Variants in NDUFB10 observed in about 807,000 individuals in gnomAD.
NDUFB10 encodes NADH:ubiquinone oxidoreductase subunit B10.
In NDUFB10, 23 loss-of-function variants were observed where a neutral mutation model predicts 19.0. That is an observed-to-expected ratio of 1.21 (90% confidence interval 0.87 to 1.71). NDUFB10 has a LOEUF of 1.71. NDUFB10 is among the 40% of genes most tolerant of loss of function. NDUFB10 has a pLI of 0.00. For synonymous variants in NDUFB10, 104 were observed against 81.8 expected (o/e 1.27, Z -1.46); for missense variants, 312 against 230.6 (o/e 1.35, Z -2.29).
At chr16:1,961,681 C>T in intron 3 of NDUFB10, 45 bp downstream of exon 3, 1 of 1,068,136 alleles carries the variant, frequency 9.4e-7, no homozygotes, top group Non-Finnish European at 1.3e-6. Context: ...CCTCCTGAGG[C>T]CTGGGGGCCA....
intron 1 of NDUFB10, among the ~76,000 whole-genome samples, chr16:1,960,236 T>TG (rs397772240): frequency 6.6e-6 from 1 of 151,098 alleles, no homozygotes; most frequent in Non-Finnish European, 1.5e-5. Flanking sequence ...TTTTTTTTTT[T>TG]CCTGAGACAG....
At position 1,961,844 on chromosome 16, in the gene NDUFB10, CAG is replaced by C. The variant is rs775258391; in HGVS notation, c.460_461del (p.Arg154AlafsTer32). 5 of 1,564,198 alleles carry C rather than the reference CAG, an allele frequency of 3.2e-6. No homozygotes were observed. Among genetic ancestry groups the C allele is most frequent in the Non-Finnish European group, 4.3e-6 (5 of 1,153,854 alleles). ...YSSARKCLAK[Q>X]RQRMLQERKA... ...TTCTGCCAGGAAGTGCCTGGCCAAA[CAG>C]AGGCAGAGGATGCTGCAAGAGAGAA... is the stretch of plus-strand genomic sequence containing the variant. On this transcript the variant is annotated frameshift_variant, in exon 4 of 4. Coordinates refer to ENST00000268668, the MANE Select transcript of NDUFB10 (RefSeq NM_004548.3). LOFTEE classifies it high-confidence loss of function.
At position 1,961,975 on chromosome 16, in the gene NDUFB10, G is replaced by A. The variant is rs2150871690; in HGVS notation, c.*69G>A. ...GCTGAAATATAAAGCCCTGCAACCT[G>A]CCTGTGTGTCTGGTGTGATCTATTG... On this transcript the variant is annotated 3_prime_UTR_variant, in exon 4 of 4. Coordinates refer to ENST00000268668, the MANE Select transcript of NDUFB10 (RefSeq NM_004548.3). 3 of 1,484,186 alleles carry A rather than the reference G, an allele frequency of 2.0e-6. No individual in the cohort carries two copies. Among genetic ancestry groups the A allele is most frequent in the East Asian group, 2.4e-5 (1 of 40,922 alleles). 91.9% of individuals were successfully genotyped at this position (1,484,186 alleles called of 1,614,324 possible).
chr16:1,959,633 C>T lies in NDUFB10; in HGVS notation c.9C>T (p.Asp3=), dbSNP rs2083240356. The change falls in exon 1 of 4, where the codon GAC becomes GAT. Residue 3 remains aspartate (D), a synonymous_variant. Coordinates refer to ENST00000268668, the MANE Select transcript of NDUFB10 (RefSeq NM_004548.3). ...CCGCGCCCGCCGCCGCCATGCCGGA[C>T]AGCTGGGACAAGGATGTGTACCCTG... MP[D]SWDKDVYPEP... is the part of the protein sequence containing the mutation. The T allele has an allele frequency of 1.4e-5, 22 of 1,610,474 alleles. No individual in the cohort carries two copies. The highest frequency in any genetic ancestry group is 1.8e-5 in the Non-Finnish European group (21 of 1,178,512).
At chr16:1,961,049 A>G in intron 1 of NDUFB10, 104 bp from the exon 2 acceptor site, 1 of 1,382,582 alleles carries the variant, frequency 7.2e-7, no homozygotes, top group Non-Finnish European at 9.9e-7. Flanking sequence ...TGGAACACTC[A>G]GGAAGTTCTC....
At position 1,959,605 on chromosome 16, in the gene NDUFB10, A is replaced by G. The variant is rs2083240015; in HGVS notation, c.-20A>G. The G allele has an allele frequency of 5.6e-6, 9 of 1,600,580 alleles. No homozygotes were observed. The highest frequency in any genetic ancestry group is 7.7e-6 in the Non-Finnish European group (9 of 1,173,704). On this transcript the variant is annotated 5_prime_UTR_variant, in exon 1 of 4. Coordinates refer to ENST00000268668, the MANE Select transcript of NDUFB10 (RefSeq NM_004548.3). ...GCCAGGGCAGCGCGTCCGGGAGCGG[A>G]GTCCGCGCCCGCCGCCGCCATGCCG...
In NDUFB10 at chr16:1,961,194, T is replaced by A; in HGVS notation, c.172T>A (p.Tyr58Asn). The change falls in exon 2 of 4, where the codon TAC (tyrosine) becomes AAC (asparagine). Residue 58 changes from tyrosine (Y) to asparagine (N), a missense_variant. Physicochemically the swap from Tyr to Asn is moderately radical, Grantham distance 143. Transcript: ENST00000268668. ...RQHAKNRYYY[Y>N]HRQYRRVPDI... ...GCACGCAAAGAACAGGTATTACTAC[T>A]ACCACCGGCAGTACCGCCGCGTGCC... 6.2e-7 allele frequency: 1 copy of A among 1,614,110 alleles called. No individual in the cohort carries two copies. The highest frequency in any genetic ancestry group is 2.2e-5 in the East Asian group (1 of 44,886).
In NDUFB10 at chr16:1,959,613, C is replaced by T; in HGVS notation, c.-12C>T. On this transcript the variant is annotated 5_prime_UTR_variant, in exon 1 of 4. Coordinates refer to ENST00000268668, the MANE Select transcript of NDUFB10 (RefSeq NM_004548.3). ...AGCGCGTCCGGGAGCGGAGTCCGCGCCCGCCGCCGCCATGCCGGACAGCTG... is the reference window on the plus strand; with the variant it reads ...AGCGCGTCCGGGAGCGGAGTCCGCGTCCGCCGCCGCCATGCCGGACAGCTG... The T allele has an allele frequency of 6.2e-7, 1 of 1,604,376 alleles. No individual in the cohort carries two copies. The highest frequency in any genetic ancestry group is 1.1e-5 in the South Asian group (1 of 90,300).
In NDUFB10 at chr16:1,961,643, G is replaced by GGGGGCCCCCCCCCCCCC; in HGVS notation, c.409+7_409+8insGGGGCCCCCCCCCCCCC. The GGGGGCCCCCCCCCCCCC allele has an allele frequency of 6.5e-7, 1 of 1,547,240 alleles. No individual in the cohort carries two copies. ...AAGGCCTACCAGGACCGCTGTGCGTGCCCCACCCACCCCCAACCCCCCACC... is the reference window on the plus strand; with the variant it reads ...AAGGCCTACCAGGACCGCTGTGCGTGGGGGCCCCCCCCCCCCCCCCCACCCACCCCCAACCCCCCACC... On this transcript the variant is annotated splice_region_variant and intron_variant, in intron 3 of 3. Coordinates refer to ENST00000268668, the MANE Select transcript of NDUFB10 (RefSeq NM_004548.3).
At position 1,961,478 on chromosome 16, in the gene NDUFB10, T is replaced by C. The variant is rs199661528; in HGVS notation, c.270-19T>C. The C allele has an allele frequency of 1.9e-6, 3 of 1,613,692 alleles. No homozygotes were observed. The highest frequency in any genetic ancestry group is 2.2e-5 in the East Asian group (1 of 44,866). Reference sequence around the variant, plus strand: ...AGGATTCCTTGTGATTAGCCTCTCTTGCTCCTTTTCTCCACCAGCAAAGTC... The same window carrying C: ...AGGATTCCTTGTGATTAGCCTCTCTCGCTCCTTTTCTCCACCAGCAAAGTC... On this transcript the variant is annotated intron_variant, in intron 2 of 3. Coordinates refer to ENST00000268668, the MANE Select transcript of NDUFB10 (RefSeq NM_004548.3).
In NDUFB10 at chr16:1,959,856, A is replaced by C. The variant is rs1165019812; in HGVS notation, c.130+102A>C. 9 of 1,488,160 alleles carry C rather than the reference A, an allele frequency of 6.0e-6. No individual in the cohort carries two copies. The Admixed American group carries it at 1.7e-4, about 28-fold the overall frequency. The allele number at this position is 1,488,160 out of a possible 1,614,324, so 92.2% of individuals were successfully genotyped here. A position where few individuals can be genotyped will look rare whatever the true frequency, so the allele number is the denominator to read the frequency against. ...ATGCCTCCGGGGTCCCGTCTGCCTG[A>C]GACCGCCCCCCGCTGCACCCCGGGG... On this transcript the variant is annotated intron_variant, in intron 1 of 3. Coordinates refer to ENST00000268668, the MANE Select transcript of NDUFB10 (RefSeq NM_004548.3).
chr16:1,961,641 G>A lies in NDUFB10; in HGVS notation c.409+5G>A, dbSNP rs769595304. The A allele has an allele frequency of 4.0e-5, 64 of 1,600,264 alleles. No homozygotes were observed. The highest frequency in any genetic ancestry group is 4.2e-5 in the Non-Finnish European group (49 of 1,174,238). On this transcript the variant is annotated splice_donor_5th_base_variant and intron_variant, in intron 3 of 3. Coordinates refer to ENST00000268668, the MANE Select transcript of NDUFB10 (RefSeq NM_004548.3). ...CCAAGGCCTACCAGGACCGCTGTGCGTGCCCCACCCACCCCCAACCCCCCA... is the reference window on the plus strand; with the variant it reads ...CCAAGGCCTACCAGGACCGCTGTGCATGCCCCACCCACCCCCAACCCCCCA...
At chr16:1,959,976 C>A (rs2083242623) in intron 1 of NDUFB10, among the ~76,000 whole-genome samples, 2 of 151,956 alleles carry the variant, frequency 1.3e-5, no homozygotes, top group African/African-American at 4.8e-5. Flanking sequence ...CTTACTCTCC[C>A]CTGCACCCCG....
In NDUFB10 at chr16:1,961,837, G is replaced by A. The variant is rs1264434716; in HGVS notation, c.450G>A (p.Leu150=). The change falls in exon 4 of 4, where the codon CTG becomes CTA. Residue 150 remains leucine (L), a synonymous_variant. Coordinates refer to ENST00000268668, the MANE Select transcript of NDUFB10 (RefSeq NM_004548.3). Reference sequence around the variant, plus strand: ...CCTACAGTTCTGCCAGGAAGTGCCTGGCCAAACAGAGGCAGAGGATGCTGC... The same window carrying A: ...CCTACAGTTCTGCCAGGAAGTGCCTAGCCAAACAGAGGCAGAGGATGCTGC... ...LGAYSSARKC[L]AKQRQRMLQE... is the part of the protein sequence containing the mutation. The A allele has an allele frequency of 1.9e-6, 3 of 1,563,184 alleles. No individual in the cohort carries two copies. The highest frequency in any genetic ancestry group is 2.4e-5 in the South Asian group (2 of 84,934).
intron 1 of NDUFB10, among the ~76,000 whole-genome samples, chr16:1,960,553 T>C (rs1454608143): frequency 2.0e-5 from 3 of 152,304 alleles, no homozygotes; most frequent in Admixed American, 1.3e-4. Flanking sequence ...TTGGGGTGCA[T>C]AGCATGCTCT....
In NDUFB10 at chr16:1,961,215, G is replaced by A. The variant is rs11552966; in HGVS notation, c.193G>A (p.Val65Met). 1.1e-5 allele frequency: 18 copies of A among 1,614,138 alleles called. No individual in the cohort carries two copies. The highest frequency in any genetic ancestry group is 2.2e-5 in the South Asian group (2 of 91,086). The change falls in exon 2 of 4, where the codon GTG (valine) becomes ATG (methionine). Residue 65 changes from valine to methionine, a missense_variant. By Grantham distance (21) the Val-to-Met change is conservative. Coordinates refer to ENST00000268668, the MANE Select transcript of NDUFB10 (RefSeq NM_004548.3). ...YYYYHRQYRRVPDITECKEED... is the reference protein window; with the variant it reads ...YYYYHRQYRRMPDITECKEED... ...CTACTACCACCGGCAGTACCGCCGC[G>A]TGCCAGACATCACTGAGTGCAAGGA... is the stretch of plus-strand genomic sequence containing the variant.
chr16:1,961,753 T>C, intron 3 of NDUFB10, 44 bp from the exon 4 acceptor site: 1 of 1,534,242 alleles, frequency 6.5e-7, no homozygotes, highest in Non-Finnish European at 8.8e-7. Context: ...CCTTTGCATG[T>C]AGCAGAGGCC....
chr16:1,961,115 C>G (rs2083251072), intron 1 of NDUFB10, 38 bp from the exon 2 acceptor site: 6 of 1,610,098 alleles, frequency 3.7e-6, no homozygotes, highest in Non-Finnish European at 5.1e-6. Context: ...CCTGTCCAAA[C>G]CGATGAGGCA....
In NDUFB10 at chr16:1,961,137, G is replaced by A; in HGVS notation, c.131-16G>A. On this transcript the variant is annotated splice_polypyrimidine_tract_variant and intron_variant, in intron 1 of 3. Transcript: ENST00000268668. Reference sequence around the variant, plus strand: ...AAACCGATGAGGCATTTGAGTCTGTGGCTTTGTCTTTGCAGAATTTATAGA... The same window carrying A: ...AAACCGATGAGGCATTTGAGTCTGTAGCTTTGTCTTTGCAGAATTTATAGA... 1 of 1,613,352 alleles carries A rather than the reference G, an allele frequency of 6.2e-7. No homozygotes were observed.
Sources: gnomAD v4.1 joint callset for allele counts (sites outside exome capture counted in the v4.1 genomes callset) on GRCh38, gnomAD v4.1.1 for gene constraint, MANE v1.5 for transcripts, NCBI Gene and HGNC (gene_info 2026-07-23, HGNC 2026-07-21) for gene names.